PIP5K1B: variants seen among roughly 807,000 people sequenced by gnomAD.
PIP5K1B encodes the protein phosphatidylinositol-4-phosphate 5-kinase type 1 beta.
A neutral mutation model predicts 67.0 loss-of-function variants in PIP5K1B; 42 were observed. The ratio of observed to expected loss-of-function variants is 0.63; its 90% confidence interval spans 0.49 to 0.81. The LOEUF is 0.81. Ranked by LOEUF, PIP5K1B falls within the 30% of genes least tolerant of loss-of-function variation. The pLI, the probability that PIP5K1B is intolerant of heterozygous loss-of-function variation, is 0.00. For synonymous variants in PIP5K1B, 214 were observed against 231.4 expected, an observed-to-expected ratio of 0.92 and a Z score of 0.68; for missense variants, 459 against 646.3, an observed-to-expected ratio of 0.71 and a Z score of 3.14.
At chr9:68,706,880 C>G (rs752693576) in intron 1 of PIP5K1B, among the ~76,000 whole-genome samples, 2 of 151,858 alleles carry the variant, frequency 1.3e-5, no homozygotes, top group Non-Finnish European at 2.9e-5. Context: ...GAGACTGAAG[C>G]GTTCTGCAGC....
At chr9:68,789,216 C>T in intron 2 of PIP5K1B, 1 of 509,526 alleles carries the variant, frequency 2.0e-6, no homozygotes, top group South Asian at 1.8e-5. Flanking sequence ...ATTGGTGCTT[C>T]CTGTGATGGT....
intron 6 of PIP5K1B, among the ~76,000 whole-genome samples, chr9:68,884,169 AAG>A (rs1482824608): frequency 6.6e-6 from 1 of 152,134 alleles, no homozygotes; most frequent in African/African-American, 2.4e-5. Flanking sequence ...TCAAACTAAA[AAG>A]CTTCTGCACT....
intron 2 of PIP5K1B, among the ~76,000 whole-genome samples, chr9:68,757,654 T>C (rs2132376660): frequency 6.6e-6 from 1 of 152,136 alleles, no homozygotes; most frequent in South Asian, 2.1e-4. Flanking sequence ...CTTTAAAGAG[T>C]GGCTGAAATA....
Position 68,919,817 on chromosome 9 carries a change from C to T in PIP5K1B, c.1116+88C>T, listed in dbSNP as rs1346122741. On this transcript the variant is annotated intron_variant, in intron 11 of 15. Transcript: ENST00000265382. ...ATGTGCAGGAAACTGTGTTGCTAGACTCTAAGAGGAAATGAAACAACGGTC... is the reference window on the plus strand; with the variant it reads ...ATGTGCAGGAAACTGTGTTGCTAGATTCTAAGAGGAAATGAAACAACGGTC... The T allele has an allele frequency of 7.0e-6, 5 of 717,214 alleles. No homozygotes were observed. In the African/African-American group the frequency reaches 7.2e-5, roughly 10 times the overall value. The allele number at this position is 717,214 out of a possible 1,614,324, so 44.4% of individuals were successfully genotyped here. A position where few individuals can be genotyped will look rare whatever the true frequency, so the allele number is the denominator to read the frequency against.
At chr9:68,948,026 G>T (rs768950549) in intron 14 of PIP5K1B, among the ~76,000 whole-genome samples, 2 of 152,160 alleles carry the variant, frequency 1.3e-5, no homozygotes, top group African/African-American at 4.8e-5. Flanking sequence ...TACATCATTT[G>T]TGAACCCACC....
In PIP5K1B at chr9:68,705,502, G is replaced by T. The variant is rs1321937650; in HGVS notation, c.-503G>T. ...CGCGGCGCGCGCGCACTGCACACTC[G>T]TAGCCGCGCGCCCCCGCCAAGGCGC... On this transcript the variant is annotated 5_prime_UTR_variant, in exon 1 of 16. Transcript: ENST00000265382. 1 of 151,168 alleles carries T rather than the reference G, an allele frequency of 6.6e-6. No individual in the cohort carries two copies. Among genetic ancestry groups the T allele is most frequent in the African/African-American group, 2.4e-5 (1 of 41,304 alleles). 9.4% of individuals were successfully genotyped at this position (151,168 alleles called of 1,614,324 possible). A position where few individuals can be genotyped will look rare whatever the true frequency, so the allele number is the denominator to read the frequency against.
At chr9:68,759,925 C>A (rs559647405) in intron 2 of PIP5K1B, among the ~76,000 whole-genome samples, 1 of 152,096 alleles carries the variant, frequency 6.6e-6, no homozygotes, top group South Asian at 2.1e-4. Flanking sequence ...TTCCATCAGA[C>A]AGCAATCTTC....
At chr9:68,850,853 A>G (rs1378040702) in intron 4 of PIP5K1B, among the ~76,000 whole-genome samples, 1 of 152,234 alleles carries the variant, frequency 6.6e-6, no homozygotes, top group East Asian at 1.9e-4. Flanking sequence ...GTGTGTAAGA[A>G]TAGTATTAAG....
chr9:68,905,209 AC>A (rs941863164), intron 8 of PIP5K1B, among the ~76,000 whole-genome samples: 15 of 151,990 alleles, frequency 9.9e-5, no homozygotes, highest in African/African-American at 3.4e-4. Flanking sequence ...GCCCCCAAGG[AC>A]CCCTCTTCTC....
chr9:68,925,306 C>T (rs186704267), intron 12 of PIP5K1B, among the ~76,000 whole-genome samples: 14 of 152,152 alleles, frequency 9.2e-5, no homozygotes, highest in Admixed American at 3.3e-4. Context: ...ATAAAATGCA[C>T]GTAACTGCGC....
At chr9:68,955,894 A>C (rs564613142) in intron 14 of PIP5K1B, among the ~76,000 whole-genome samples, 12 of 152,204 alleles carry the variant, frequency 7.9e-5, no homozygotes, top group Non-Finnish European at 1.5e-4. Flanking sequence ...TATGCAATGT[A>C]GTCAGCCAAG....
intron 14 of PIP5K1B, among the ~76,000 whole-genome samples, chr9:68,982,603 A>C (rs546936772): frequency 2.9e-3 from 430 of 148,470 alleles, no homozygotes; most frequent in Non-Finnish European, 5.0e-3. Context: ...CTAAAAATAC[A>C]AAAAAAAAAG....
At position 68,934,883 on chromosome 9, in the gene PIP5K1B, T is replaced by C; in HGVS notation, c.1202-7T>C. On this transcript the variant is annotated splice_region_variant and splice_polypyrimidine_tract_variant and intron_variant, in intron 12 of 15. Transcript: ENST00000265382. ...TATCTGTATTTGTCCTTTTCCTTTC[T>C]GTCTAGCTTTGAAGGCTTCACCGTC... 1 of 1,590,984 alleles carries C rather than the reference T, an allele frequency of 6.3e-7. No homozygotes were observed. The highest frequency in any genetic ancestry group is 8.6e-7 in the Non-Finnish European group (1 of 1,169,088).
intron 7 of PIP5K1B, among the ~76,000 whole-genome samples, chr9:68,893,132 A>G (rs1824884276): frequency 6.6e-6 from 1 of 152,054 alleles, no homozygotes; most frequent in South Asian, 2.1e-4. Context: ...AATACCAGAC[A>G]CAAAATTAAT....
chr9:68,849,536 T>C (rs1255735293), intron 4 of PIP5K1B, among the ~76,000 whole-genome samples: 1 of 152,146 alleles, frequency 6.6e-6, no homozygotes, highest in African/African-American at 2.4e-5. Context: ...CAGCTAATTT[T>C]TGCATTTTTT....
chr9:68,882,672 T>C (rs1824257709), intron 6 of PIP5K1B, among the ~76,000 whole-genome samples: 1 of 152,218 alleles, frequency 6.6e-6, no homozygotes, highest in South Asian at 2.1e-4. Context: ...GTTGTTTTCA[T>C]ATTTTCACAA....
intron 14 of PIP5K1B, among the ~76,000 whole-genome samples, chr9:68,949,671 T>G (rs1490363437): frequency 1.3e-5 from 2 of 152,146 alleles, no homozygotes; most frequent in Non-Finnish European, 2.9e-5. Flanking sequence ...AAAGAAAAAG[T>G]TCAGCTGAAT....
chr9:68,929,638 A>AT (rs1231699807), intron 12 of PIP5K1B, among the ~76,000 whole-genome samples: 1 of 152,032 alleles, frequency 6.6e-6, no homozygotes, highest in Non-Finnish European at 1.5e-5. Flanking sequence ...TGCTCAAGCC[A>AT]TTGAACAACT....
intron 11 of PIP5K1B, among the ~76,000 whole-genome samples, chr9:68,920,765 G>GTCTCTCTCTC (rs763092380): frequency 6.9e-6 from 1 of 145,364 alleles, no homozygotes; most frequent in African/African-American, 2.7e-5. Context: ...TTCCGTCTCT[G>GTCTCTCTCTC]TCTCTCTGTC....
Sources: allele counts gnomAD v4.1 joint callset (sites outside exome capture counted in the v4.1 genomes callset), GRCh38; gene constraint gnomAD v4.1.1; transcripts MANE v1.5; gene names NCBI Gene and HGNC (gene_info 2026-07-23, HGNC 2026-07-21).